The following ATP8A2 variants were observed in gnomAD, a reference collection of about 807,000 sequenced individuals.
ATP8A2 encodes ATPase phospholipid transporting 8A2, also known as phospholipid-transporting ATPase IB.
A neutral mutation model predicts 165.6 loss-of-function variants in ATP8A2; 100 were observed. The observed-to-expected ratio is 0.60, with a 90% CI of 0.51 to 0.71. ATP8A2 has a LOEUF of 0.71. Among genes scored for constraint, ATP8A2 ranks in the 30% least tolerant of loss-of-function variants. The pLI, the probability that ATP8A2 is intolerant of heterozygous loss-of-function variation, is 0.00. For synonymous variants in ATP8A2, 543 were observed against 548.8 expected (o/e 0.99, Z 0.15); for missense variants, 1,227 against 1,479.5 (o/e 0.83, Z 2.80).
intron 4 of ATP8A2, among the ~76,000 whole-genome samples, chr13:25,531,205 TATATGTTATATATG>T (rs1593472257): frequency 5.6e-5 from 8 of 143,692 alleles, no homozygotes; most frequent in Non-Finnish European, 1.2e-4. Flanking sequence ...TTATATATGA[TATATGTTATATATG>T]ATATATGTTA....
chr13:25,452,525 C>T (rs1335905678), intron 1 of ATP8A2, among the ~76,000 whole-genome samples: 4 of 152,020 alleles, frequency 2.6e-5, no homozygotes, highest in Non-Finnish European at 4.4e-5. Flanking sequence ...AAGATTGATA[C>T]CCCGTTTCAG....
chr13:25,690,207 A>G (rs1398125918), intron 24 of ATP8A2, among the ~76,000 whole-genome samples: 5 of 152,052 alleles, frequency 3.3e-5, no homozygotes, highest in African/African-American at 1.2e-4. Flanking sequence ...GTAGTAATTA[A>G]TAGTGTTCAG....
At chr13:25,813,910 C>T (rs1950942659) in intron 27 of ATP8A2, among the ~76,000 whole-genome samples, 1 of 152,130 alleles carries the variant, frequency 6.6e-6, no homozygotes. Context: ...AGTAAAAGTC[C>T]TCCTGCCTAG....
intron 2 of ATP8A2, among the ~76,000 whole-genome samples, chr13:25,507,182 AG>A (rs1481067415): frequency 2.7e-5 from 4 of 149,900 alleles, no homozygotes; most frequent in African/African-American, 9.8e-5. Context: ...GTGATATCTC[AG>A]TAAAGTGGGG....
At chr13:25,509,638 T>C (rs2037157765) in intron 2 of ATP8A2, among the ~76,000 whole-genome samples, 1 of 152,214 alleles carries the variant, frequency 6.6e-6, no homozygotes. Context: ...TTCGTAATAC[T>C]GTATTTTTCT....
intron 27 of ATP8A2, among the ~76,000 whole-genome samples, chr13:25,799,765 C>T (rs960587386): frequency 2.0e-5 from 3 of 152,162 alleles, no homozygotes; most frequent in Non-Finnish European, 2.9e-5. Flanking sequence ...TTCAAGTGCT[C>T]TTGCTGATGG....
chr13:25,512,665 G>T (rs1263000175), intron 2 of ATP8A2, among the ~76,000 whole-genome samples: 4 of 147,412 alleles, frequency 2.7e-5, no homozygotes, highest in Non-Finnish European at 6.0e-5. Flanking sequence ...CCCGGACGGG[G>T]TGGCTGGCCG....
intron 31 of ATP8A2, 111 bp from the exon 32 acceptor site, chr13:25,860,693 G>T: frequency 1.3e-6 from 1 of 795,610 alleles, no homozygotes; most frequent in South Asian, 1.6e-5. Flanking sequence ...CTTTCAAACC[G>T]GAGCTGCCTT....
chr13:25,728,436 T>A (rs2043542254), intron 25 of ATP8A2, among the ~76,000 whole-genome samples: 2 of 152,192 alleles, frequency 1.3e-5, no homozygotes, highest in South Asian at 4.1e-4. Context: ...TAACAGCAGG[T>A]GCAATGTCAT....
rs868167670 is a variant in ATP8A2, at chr13:26,019,766, G to A, written c.3470-122G>A. ...TCATCTCAAGCCTCCACCTATCCAAGGCTAAGGAGGCCAGATGTCGCACTC... is the reference window on the plus strand; with the variant it reads ...TCATCTCAAGCCTCCACCTATCCAAAGCTAAGGAGGCCAGATGTCGCACTC... On this transcript the variant is annotated intron_variant, in intron 36 of 36. Coordinates refer to ENST00000381655, the MANE Select transcript of ATP8A2 (RefSeq NM_016529.6). The A allele has an allele frequency of 3.0e-4, 202 of 663,606 alleles. 1 individual carries two copies. Among genetic ancestry groups the A allele is most frequent in the Middle Eastern group, 3.0e-3 (12 of 3,974 alleles). The allele number at this position is 663,606 out of a possible 1,614,324, so 41.1% of individuals were successfully genotyped here.
intron 33 of ATP8A2, among the ~76,000 whole-genome samples, chr13:25,921,446 T>C (rs1265167014): frequency 6.7e-6 from 1 of 149,192 alleles, no homozygotes; most frequent in Non-Finnish European, 1.5e-5. Flanking sequence ...TGAAACCCTG[T>C]CTCTGCTAAA....
intron 10 of ATP8A2, among the ~76,000 whole-genome samples, chr13:25,544,839 G>C (rs1323862607): frequency 6.6e-6 from 1 of 151,916 alleles, no homozygotes; most frequent in African/African-American, 2.4e-5. Flanking sequence ...GGGAGCAACT[G>C]AGAGGTGTGG....
At chr13:25,383,447 T>A (rs1044391807) in intron 1 of ATP8A2, among the ~76,000 whole-genome samples, 6 of 152,202 alleles carry the variant, frequency 3.9e-5, no homozygotes, top group Non-Finnish European at 8.8e-5. Context: ...TGAAGAGTTC[T>A]TTGTATATTT....
intron 24 of ATP8A2, among the ~76,000 whole-genome samples, chr13:25,629,233 C>T (rs1261164614): frequency 6.6e-6 from 1 of 152,108 alleles, no homozygotes; most frequent in Non-Finnish European, 1.5e-5. Flanking sequence ...TTGTTGTAAC[C>T]TCTTCAGTCT....
intron 24 of ATP8A2, among the ~76,000 whole-genome samples, chr13:25,655,749 A>C (rs570575111): frequency 5.2e-4 from 79 of 152,206 alleles, no homozygotes; most frequent in African/African-American, 1.8e-3. Flanking sequence ...AAAAGCAAAA[A>C]ACCCGAAAGT....
chr13:25,898,981 G>A (rs1953652918), intron 33 of ATP8A2, among the ~76,000 whole-genome samples: 1 of 152,214 alleles, frequency 6.6e-6, no homozygotes, highest in African/African-American at 2.4e-5. Context: ...CGCTTCCCGG[G>A]TGAGGTTATG....
chr13:25,554,527 G>A (rs1011925840), intron 12 of ATP8A2, among the ~76,000 whole-genome samples: 1 of 53,946 alleles, frequency 1.9e-5, no homozygotes, highest in African/African-American at 7.7e-5. Flanking sequence ...GTGTGTGTGT[G>A]TATGTGTGTG....
chr13:25,683,426 A>G (rs2042536432), intron 24 of ATP8A2, among the ~76,000 whole-genome samples: 1 of 152,156 alleles, frequency 6.6e-6, no homozygotes, highest in Non-Finnish European at 1.5e-5. Flanking sequence ...TTTTGTGTGT[A>G]GTTTTATGTG....
chr13:25,465,113 A>G (rs1327691694), intron 1 of ATP8A2, among the ~76,000 whole-genome samples: 1 of 152,170 alleles, frequency 6.6e-6, no homozygotes, highest in Non-Finnish European at 1.5e-5. Flanking sequence ...GTAAGCATAT[A>G]CTCATTTTAT....
Sources: gnomAD v4.1 joint callset for allele counts (sites outside exome capture counted in the v4.1 genomes callset) on GRCh38, gnomAD v4.1.1 for gene constraint, MANE v1.5 for transcripts, NCBI Gene and HGNC (gene_info 2026-07-23, HGNC 2026-07-21) for gene names.